Variants in AP4S1 observed in about 807,000 individuals in gnomAD.
The protein encoded by AP4S1 is AP-4 complex subunit sigma-1.
A neutral mutation model predicts 19.8 loss-of-function variants in AP4S1; 23 were observed. That is an observed-to-expected ratio of 1.16 (90% confidence interval 0.84 to 1.65). The LOEUF (loss-of-function observed/expected upper bound fraction) is 1.65, where lower values mean the gene tolerates loss of function less well. AP4S1 is among the 40% of genes most tolerant of loss of function. The pLI, the probability that AP4S1 is intolerant of heterozygous loss-of-function variation, is 0.00. For missense variants in AP4S1, 166 were observed against 172.8 expected (o/e 0.96, Z 0.22); for synonymous variants, 46 against 54.1 (o/e 0.85, Z 0.66).
intron 1 of AP4S1, among the ~76,000 whole-genome samples, chr14:31,041,003 G>C (rs1885076902): frequency 6.7e-6 from 1 of 150,308 alleles, no homozygotes; most frequent in Admixed American, 6.6e-5. Context: ...TGAACCCAGG[G>C]AGGTGGAGCT....
Position 31,069,913 on chromosome 14 carries a change from G to C in AP4S1, c.209G>C (p.Gly70Ala), listed in dbSNP as rs1369102580. 52 of 1,612,102 alleles carry C rather than the reference G, an allele frequency of 3.2e-5. No individual in the cohort carries two copies. The highest frequency in any genetic ancestry group is 4.3e-5 in the Non-Finnish European group (51 of 1,178,186). ...TATGCAGCTCTCTTCATTGTGGTTGGAGTTAATGACACTGAGGTAAGATAA... is the reference window on the plus strand; with the variant it reads ...TATGCAGCTCTCTTCATTGTGGTTGCAGTTAATGACACTGAGGTAAGATAA... The part of the protein sequence containing the change: ...RQYAALFIVV[G>A]VNDTENEMAI... Residue 70 changes from glycine (G) to alanine (A), a missense_variant, in exon 3 of 6, where the codon GGA becomes GCA. By Grantham distance (60) the Gly-to-Ala change is moderately conservative (BLOSUM62 0). Coordinates refer to ENST00000542754, the MANE Select transcript of AP4S1 (RefSeq NM_001128126.3).
intron 2 of AP4S1, among the ~76,000 whole-genome samples, chr14:31,067,614 G>T (rs1216604120): frequency 6.6e-6 from 1 of 151,534 alleles, no homozygotes; most frequent in Non-Finnish European, 1.5e-5. Context: ...CACTTCCCGG[G>T]TTCAAGCGAT....
intron 1 of AP4S1, among the ~76,000 whole-genome samples, chr14:31,029,224 T>C (rs149482862): frequency 2.4e-4 from 36 of 152,278 alleles, no homozygotes; most frequent in Admixed American, 6.5e-4. Context: ...CCACCTCCAT[T>C]CTACCCCCAC....
intron 1 of AP4S1, among the ~76,000 whole-genome samples, chr14:31,065,472 TCAGAAGATCA>T (rs3842331): frequency 0.22 from 33,508 of 151,966 alleles, 4,002 homozygotes; most frequent in African/African-American, 0.31. Flanking sequence ...GATGTAAAAA[TCAGAAGATCA>T]GAAGTCCTTA....
intron 2 of AP4S1, among the ~76,000 whole-genome samples, chr14:31,069,054 T>G (rs1035665757): frequency 6.6e-5 from 10 of 152,096 alleles, no homozygotes; most frequent in African/African-American, 2.2e-4. Flanking sequence ...GCAGCTTCAT[T>G]CCCAGGTGCA....
chr14:31,071,930 T>G (rs71417945), intron 3 of AP4S1, among the ~76,000 whole-genome samples: 16,702 of 150,426 alleles, frequency 0.11, 1,280 homozygotes, highest in Non-Finnish European at 0.16. Flanking sequence ...TGATTTTTTT[T>G]GGGGGGGTGG....
chr14:31,072,126 A>G (rs1887046175), intron 3 of AP4S1, among the ~76,000 whole-genome samples: 1 of 151,648 alleles, frequency 6.6e-6, no homozygotes. Flanking sequence ...TTTTTAGTAG[A>G]GACGAGGTTT....
At chr14:31,049,413 CAAA>C (rs1206930739) in intron 1 of AP4S1, among the ~76,000 whole-genome samples, 1 of 43,544 alleles carries the variant, frequency 2.3e-5, no homozygotes, top group African/African-American at 1.1e-4. Context: ...GACTCGGTCT[CAAA>C]AAAAAAAAAA....
At chr14:31,082,790 G>A (rs1887709702) in intron 5 of AP4S1, among the ~76,000 whole-genome samples, 2 of 152,116 alleles carry the variant, frequency 1.3e-5, no homozygotes, top group South Asian at 2.1e-4. Flanking sequence ...CAGCTACTTG[G>A]GAGGCTGAGG....
At chr14:31,037,953 A>T (rs72670320) in intron 1 of AP4S1, among the ~76,000 whole-genome samples, 15,311 of 152,278 alleles carry the variant, frequency 0.1, 1,003 homozygotes, top group South Asian at 0.25. Context: ...CCCTGTCTCA[A>T]AACAAAACAA....
At chr14:31,026,190 T>A (rs1358027395) in intron 1 of AP4S1, 2 of 1,429,368 alleles carry the variant, frequency 1.4e-6, no homozygotes, top group Non-Finnish European at 1.8e-6. Context: ...GTCCATTGTG[T>A]GTGGGGCCCC....
chr14:31,038,525 T>G (rs1594633712), intron 1 of AP4S1, among the ~76,000 whole-genome samples: 1 of 151,898 alleles, frequency 6.6e-6, no homozygotes, highest in African/African-American at 2.4e-5. Context: ...GAATGGGGAG[T>G]GAAATTGTAC....
At chr14:31,069,975 A>G (rs1485442349) in intron 3 of AP4S1, 46 bp downstream of exon 3, 1 of 1,455,094 alleles carries the variant, frequency 6.9e-7, no homozygotes, top group Admixed American at 1.7e-5. Context: ...ATTTCTTTCT[A>G]CTTGCCTCCC....
intron 5 of AP4S1, among the ~76,000 whole-genome samples, chr14:31,092,511 T>G (rs1378556982): frequency 1.3e-5 from 2 of 152,198 alleles, no homozygotes; most frequent in Non-Finnish European, 2.9e-5. Flanking sequence ...CAACACACTG[T>G]CTGGAACGGG....
chr14:31,042,527 C>G (rs1189270945), intron 1 of AP4S1, among the ~76,000 whole-genome samples: 1 of 152,068 alleles, frequency 6.6e-6, no homozygotes, highest in Non-Finnish European at 1.5e-5. Flanking sequence ...TCTCCATCCC[C>G]CACTCCACAG....
intron 4 of AP4S1, among the ~76,000 whole-genome samples, chr14:31,073,454 C>A (rs565164577): frequency 6.9e-6 from 1 of 145,608 alleles, no homozygotes; most frequent in African/African-American, 2.5e-5. Context: ...CCCGCCACTG[C>A]ACTCCAGCCT....
intron 1 of AP4S1, among the ~76,000 whole-genome samples, chr14:31,050,142 G>A (rs748479507): frequency 6.6e-6 from 1 of 152,138 alleles, no homozygotes; most frequent in South Asian, 2.1e-4. Flanking sequence ...GGCTGGTCTC[G>A]AACTCCTGAC....
At chr14:31,053,430 A>G (rs541775099) in intron 1 of AP4S1, among the ~76,000 whole-genome samples, 74 of 152,092 alleles carry the variant, frequency 4.9e-4, no homozygotes, top group Non-Finnish European at 8.7e-4. Flanking sequence ...CTGGAAGAAG[A>G]AATCCAAAGC....
chr14:31,031,677 C>T (rs1435736176), intron 1 of AP4S1, among the ~76,000 whole-genome samples: 2 of 152,132 alleles, frequency 1.3e-5, no homozygotes, highest in African/African-American at 4.8e-5. Context: ...AGAATCTTGT[C>T]CTCTGTAGAT....
Sources: allele counts gnomAD v4.1 joint callset (sites outside exome capture counted in the v4.1 genomes callset), GRCh38; gene constraint gnomAD v4.1.1; transcripts MANE v1.5; gene names NCBI Gene and HGNC (gene_info 2026-07-23, HGNC 2026-07-21).